Variants in DIPK1A observed in about 807,000 individuals in gnomAD.
DIPK1A encodes family with sequence similarity 69 member A.
A neutral mutation model predicts 40.8 loss-of-function variants in DIPK1A; 27 were observed. The ratio of observed to expected loss-of-function variants is 0.66; its 90% CI spans 0.49 to 0.91. The LOEUF is 0.91. Ranked by LOEUF, DIPK1A falls within the 40% of genes least tolerant of loss-of-function variation. The pLI is 0.00. For missense variants in DIPK1A, 412 were observed against 505.7 expected, an observed-to-expected ratio of 0.81 and a Z score of 1.78; for synonymous variants, 166 against 171.3, an observed-to-expected ratio of 0.97 and a Z score of 0.24.
rs562338734 is a variant in DIPK1A, at chr1:92,904,474, A to G, written c.55-28044T>C. Among the ~76,000 whole-genome samples, 10 of 152,266 alleles carry G rather than the reference A, an allele frequency of 6.6e-5. No homozygotes were observed. The East Asian group carries it at 1.9e-3, about 29-fold the overall frequency. On this transcript the variant is annotated intron_variant, in intron 1 of 4. Transcript: ENST00000370310. ...GTTGCTATAAATCTCTTAAATACACAGCATATACCTATAAGCAAAAGATGG... is the reference window on the plus strand; with the variant it reads ...GTTGCTATAAATCTCTTAAATACACGGCATATACCTATAAGCAAAAGATGG...
chr1:92,939,050 G>A (rs746810423), intron 1 of DIPK1A, among the ~76,000 whole-genome samples: 11 of 151,992 alleles, frequency 7.2e-5, no homozygotes, highest in South Asian at 2.1e-4. Context: ...ACAGGCGCCC[G>A]CCACCACGCC....
chr1:92,916,672 T>C (rs993404880), intron 1 of DIPK1A, among the ~76,000 whole-genome samples: 5 of 152,168 alleles, frequency 3.3e-5, no homozygotes, highest in Admixed American at 6.5e-5. Flanking sequence ...TCTCTGAAAA[T>C]GGAGTCTACA....
At chr1:92,840,624 A>C (rs1177042127), downstream of DIPK1A, 4 of 1,609,648 alleles carry the variant, frequency 2.5e-6, no homozygotes, top group Admixed American at 5.0e-5. Flanking sequence ...CCCAAGAAAG[A>C]AGTTAAAAAG....
intron 1 of DIPK1A, among the ~76,000 whole-genome samples, chr1:92,890,411 C>T (rs1248355672): frequency 2.6e-5 from 4 of 152,134 alleles, no homozygotes; most frequent in African/African-American, 7.2e-5. Flanking sequence ...AGAGAAATAG[C>T]TTTCAGCTTT....
intron 2 of DIPK1A, among the ~76,000 whole-genome samples, chr1:92,873,025 A>G (rs917231167): frequency 6.6e-6 from 1 of 152,266 alleles, no homozygotes; most frequent in East Asian, 1.9e-4. Context: ...GCTTTCCGCC[A>G]ACATAAGGTT....
intron 1 of DIPK1A, among the ~76,000 whole-genome samples, chr1:92,948,685 A>ATATACGTATATATACATATG (rs1651481851): frequency 1.6e-5 from 2 of 121,970 alleles, no homozygotes; most frequent in Non-Finnish European, 3.7e-5. Flanking sequence ...ATACATGTAT[A>ATATACGTATATATACATATG]TGTATATATA....
intron 1 of DIPK1A, among the ~76,000 whole-genome samples, chr1:92,927,089 T>A (rs955109082): frequency 6.6e-6 from 1 of 152,120 alleles, no homozygotes; most frequent in Admixed American, 6.6e-5. Context: ...AAAAAAAAAA[T>A]TTAGTATTCT....
chr1:92,909,944 T>A (rs1010818319), intron 1 of DIPK1A, among the ~76,000 whole-genome samples: 2 of 152,220 alleles, frequency 1.3e-5, no homozygotes, highest in Non-Finnish European at 2.9e-5. Context: ...TATCTTTCCC[T>A]TTGTACAGTC....
rs148010880 is a variant in DIPK1A at position 92,872,069 on chromosome 1, C to CTTTTTTT, written c.189+4220_189+4226dup. ...TTTTCCTGATTCTTTTTCTTTAAAT[C>CTTTTTTT]TTTTTTTTTTTTTTTTTTTTTTTTT... On this transcript the variant is annotated intron_variant, in intron 2 of 4. Transcript: ENST00000370310. 2.8e-4 allele frequency among the ~76,000 whole-genome samples: 19 copies of CTTTTTTT among 67,960 alleles called. 1 individual carries two copies. Among genetic ancestry groups the CTTTTTTT allele is most frequent in the Non-Finnish European group, 4.1e-4 (16 of 39,110 alleles). 44.6% of individuals were successfully genotyped at this position (67,960 alleles called of 152,430 possible).
Position 92,850,807 on chromosome 1 carries a change from G to C in DIPK1A, c.297+41C>G, listed in dbSNP as rs372957072. On this transcript the variant is annotated intron_variant, in intron 3 of 4. Coordinates refer to ENST00000370310, the MANE Select transcript of DIPK1A (RefSeq NM_001006605.5). ...GCCTTTAATTTCTGGTAAAATTAGA[G>C]TACACTATAATTCTGGAATGTTTAT... 27 of 1,236,760 alleles carry C rather than the reference G, an allele frequency of 2.2e-5. No homozygotes were observed. In the African/African-American group the frequency reaches 3.8e-4, roughly 18 times the overall value. 76.6% of individuals were successfully genotyped at this position (1,236,760 alleles called of 1,614,324 possible).
At chr1:92,938,468 TAAAAA>T (rs71094215) in intron 1 of DIPK1A, among the ~76,000 whole-genome samples, 1 of 98,606 alleles carries the variant, frequency 1.0e-5, no homozygotes. Context: ...AGACCTTTAC[TAAAAA>T]AAAAAAAAAA....
At chr1:92,902,041 G>T (rs764607181) in intron 1 of DIPK1A, among the ~76,000 whole-genome samples, 4 of 152,082 alleles carry the variant, frequency 2.6e-5, no homozygotes, top group African/African-American at 4.8e-5. Context: ...GGCTGGTGGG[G>T]GACGCGGGAG....
chr1:92,886,542 T>C (rs1037452005), intron 1 of DIPK1A, among the ~76,000 whole-genome samples: 1 of 151,968 alleles, frequency 6.6e-6, no homozygotes, highest in Non-Finnish European at 1.5e-5. Flanking sequence ...TTTAAATGGA[T>C]GTATAACATT....
chr1:92,836,895 T>G (rs1214264743), intron 4 of DIPK1A: 1 of 207,476 alleles, frequency 4.8e-6, no homozygotes, highest in Non-Finnish European at 9.9e-6. Context: ...TTAATGATAT[T>G]TTTTGTTGTT....
chr1:92,909,710 T>A (rs1266718469), intron 1 of DIPK1A, among the ~76,000 whole-genome samples: 1 of 152,088 alleles, frequency 6.6e-6, no homozygotes, highest in African/African-American at 2.4e-5. Flanking sequence ...TCACTCAGAT[T>A]TCAACAAGCT....
At chr1:92,837,688 T>C, downstream of DIPK1A, 1 of 1,486,710 alleles carries the variant, frequency 6.7e-7, no homozygotes, top group Non-Finnish European at 9.3e-7. Context: ...AATAGGTTTA[T>C]TACTTGTTTT....
At chr1:92,838,984 C>T (rs1014056964), downstream of DIPK1A, among the ~76,000 whole-genome samples, 1 of 148,600 alleles carries the variant, frequency 6.7e-6, no homozygotes, top group Non-Finnish European at 1.5e-5. Context: ...ATTACTGTGA[C>T]ATAGTCTGTA....
intron 1 of DIPK1A, chr1:92,877,270 CA>C (rs1378208011): frequency 5.5e-6 from 2 of 365,168 alleles, no homozygotes; most frequent in Middle Eastern, 2.7e-3. Context: ...GACTATTTGA[CA>C]TTTATTTTTT....
At chr1:92,949,792 T>C (rs1441379843) in intron 1 of DIPK1A, among the ~76,000 whole-genome samples, 1 of 152,206 alleles carries the variant, frequency 6.6e-6, no homozygotes, top group African/African-American at 2.4e-5. Flanking sequence ...TCTATACTAT[T>C]TGACTTGCTG....
Sources: gnomAD v4.1 joint callset for allele counts (sites outside exome capture counted in the v4.1 genomes callset) on GRCh38, gnomAD v4.1.1 for gene constraint, MANE v1.5 for transcripts, NCBI Gene and HGNC (gene_info 2026-07-23, HGNC 2026-07-21) for gene names.